Variants in NTAN1 observed in about 807,000 individuals in gnomAD.
The protein encoded by NTAN1 is protein N-terminal asparagine amidohydrolase.
NTAN1 carries 32 observed loss-of-function variants against 41.9 expected under a neutral mutation model. That is an observed-to-expected ratio of 0.76 (90% CI 0.58 to 1.03). The LOEUF is 1.03. Ranked by LOEUF, NTAN1 falls within the 50% of genes least tolerant of loss-of-function variation. The pLI, the probability that NTAN1 is intolerant of heterozygous loss-of-function variation, is 0.00. For missense variants in NTAN1, 377 were observed against 377.5 expected (o/e 1.00, Z 0.01); for synonymous variants, 140 against 139.5 (o/e 1.00, Z -0.03).
chr16:15,042,187 T>A (rs1287598974), intron 5 of NTAN1, among the ~76,000 whole-genome samples: 3 of 72,164 alleles, frequency 4.2e-5, no homozygotes, highest in African/African-American at 3.9e-5. Flanking sequence ...TTTTATATCT[T>A]TTTTTTTTTT....
At chr16:15,044,245 G>T (rs2043951681) in intron 5 of NTAN1, 89 bp downstream of exon 5, 6 of 875,214 alleles carry the variant, frequency 6.9e-6, no homozygotes, top group South Asian at 4.3e-5. Flanking sequence ...CCCTTCTTGG[G>T]TTTTGTACCA....
At chr16:15,039,813 G>C (rs551966467) in intron 8 of NTAN1, among the ~76,000 whole-genome samples, 156 bp downstream of exon 8, 1 of 152,314 alleles carries the variant, frequency 6.6e-6, no homozygotes, top group Admixed American at 6.5e-5. Flanking sequence ...GAGACAGCAA[G>C]TGTGGGGAGG....
intron 5 of NTAN1, among the ~76,000 whole-genome samples, chr16:15,042,264 C>T (rs1200902622): frequency 6.6e-6 from 1 of 150,748 alleles, no homozygotes; most frequent in African/African-American, 2.4e-5. Flanking sequence ...CTGCTCATCG[C>T]AGTCTCCACC....
chr16:15,055,942 C>T lies in NTAN1; in HGVS notation c.30G>A (p.Val10=). The change falls in exon 1 of 10, where the codon GTG becomes GTA. Residue 10 remains valine, a synonymous_variant. Transcript: ENST00000287706. MPLLVEGRR[V]RLPQSAGDLV... is the part of the protein sequence containing the mutation. Reference sequence around the variant, plus strand: ...GGTCCCCGGCTGACTGCGGCAGCCGCACTCGCCGCCCCTCGACGAGCAGCG... The same window carrying T: ...GGTCCCCGGCTGACTGCGGCAGCCGTACTCGCCGCCCCTCGACGAGCAGCG... The T allele has an allele frequency of 8.1e-7, 1 of 1,231,852 alleles. No homozygotes were observed. Among genetic ancestry groups the T allele is most frequent in the Non-Finnish European group, 1.0e-6 (1 of 986,884 alleles). 76.3% of individuals were successfully genotyped at this position (1,231,852 alleles called of 1,614,324 possible). A position where few individuals can be genotyped will look rare whatever the true frequency, so the allele number is the denominator to read the frequency against.
chr16:15,046,712 A>C (rs890191330), intron 4 of NTAN1, among the ~76,000 whole-genome samples: 1 of 150,742 alleles, frequency 6.6e-6, no homozygotes, highest in East Asian at 1.9e-4. Context: ...AAAAAAAAAA[A>C]AAAAAAAAAA....
In NTAN1 at chr16:15,038,661, T is replaced by C. The variant is rs2151681191; in HGVS notation, c.666A>G (p.Thr222=). The C allele has an allele frequency of 6.3e-7, 1 of 1,594,640 alleles. No individual in the cohort carries two copies. Among genetic ancestry groups the C allele is most frequent in the Non-Finnish European group, 8.6e-7 (1 of 1,164,666 alleles). ...AGTACGGTCCTATACGAAGTTGTTC[T>C]GTCTCTGCATCATAAATGCTAATCA... The part of the protein sequence containing the change: ...GPMISIYDAE[T]EQLRIGPYSW... The change falls in exon 9 of 10, where the codon ACA becomes ACG. Residue 222 remains threonine (T), a synonymous_variant. Coordinates refer to ENST00000287706, the MANE Select transcript of NTAN1 (RefSeq NM_173474.4).
chr16:15,055,974 CG>C lies in NTAN1; in HGVS notation c.-4del. ...CGCCCCTCGACGAGCAGCGGCATCG[CG>C]GAGGCGGCCGCCCAGGCAGGCCCAG... On this transcript the variant is annotated 5_prime_UTR_variant, in exon 1 of 10. Coordinates refer to ENST00000287706, the MANE Select transcript of NTAN1 (RefSeq NM_173474.4). The C allele has an allele frequency of 8.2e-7, 1 of 1,220,242 alleles. No homozygotes were observed. The highest frequency in any genetic ancestry group is 4.1e-5 in the South Asian group (1 of 24,526). The allele number at this position is 1,220,242 out of a possible 1,614,324, so 75.6% of individuals were successfully genotyped here.
chr16:15,040,316 T>C, intron 7 of NTAN1: 2 of 399,644 alleles, frequency 5.0e-6, no homozygotes, highest in Non-Finnish European at 8.8e-6. Context: ...GCTTTCCACA[T>C]GGGAGGCAGC....
chr16:15,047,035 T>C (rs1268991707), intron 4 of NTAN1, among the ~76,000 whole-genome samples: 1 of 152,148 alleles, frequency 6.6e-6, no homozygotes, highest in Non-Finnish European at 1.5e-5. Flanking sequence ...GGGCCGGGCT[T>C]TCTGTCTACT....
intron 4 of NTAN1, among the ~76,000 whole-genome samples, chr16:15,046,431 T>A (rs1054893220): frequency 6.6e-6 from 1 of 152,254 alleles, no homozygotes; most frequent in East Asian, 1.9e-4. Context: ...GCCTGTGTCG[T>A]CGGCCTCCAC....
intron 4 of NTAN1, chr16:15,044,655 C>A: frequency 1.8e-6 from 1 of 547,476 alleles, no homozygotes; most frequent in East Asian, 3.0e-5. Flanking sequence ...TGTGATGCCG[C>A]CTCCATGCAC....
At chr16:15,047,098 A>G (rs990255380) in intron 4 of NTAN1, 1 of 302,708 alleles carries the variant, frequency 3.3e-6, no homozygotes, top group African/African-American at 2.2e-5. Flanking sequence ...GGAAGCATTT[A>G]ACAAGCAACT....
Position 15,038,188 on chromosome 16 carries a change from G to C in NTAN1, c.776C>G (p.Ala259Gly), listed in dbSNP as rs773953355. The change falls in exon 10 of 10, where the codon GCT becomes GGT. Residue 259 changes from alanine (A) to glycine (G), a missense_variant. Physicochemically the swap from Ala to Gly is moderately conservative, Grantham distance 60. Transcript: ENST00000287706. Reference protein sequence around the residue: ...ILENLSTSPLAEPPHFVEHIR... With the variant: ...ILENLSTSPLGEPPHFVEHIR... ...ATGTTCAACAAAGTGGGGTGGCTCA[G>C]CCAGAGGCGAAGTGGAAAGATTCTG... 1 of 1,612,880 alleles carries C rather than the reference G, an allele frequency of 6.2e-7. No homozygotes were observed. The highest frequency in any genetic ancestry group is 8.5e-7 in the Non-Finnish European group (1 of 1,179,610).
At chr16:15,040,189 G>C in intron 7 of NTAN1, 123 bp from the exon 8 acceptor site, 1 of 509,762 alleles carries the variant, frequency 2.0e-6, no homozygotes, top group Non-Finnish European at 3.5e-6. Flanking sequence ...TGGCTCCTAA[G>C]TATCTGGACT....
At chr16:15,045,729 A>G (rs925847827) in intron 4 of NTAN1, 2 of 152,172 alleles carry the variant, frequency 1.3e-5, no homozygotes, top group African/African-American at 4.8e-5. Context: ...AAATCCAACT[A>G]ACTTTCTTGA....
At chr16:15,038,296 G>C in intron 9 of NTAN1, 86 bp from the exon 10 acceptor site, 1 of 952,132 alleles carries the variant, frequency 1.1e-6, no homozygotes, top group Non-Finnish European at 1.6e-6. Context: ...TTTGTTCTTG[G>C]ACACAAATAT....
intron 1 of NTAN1, among the ~76,000 whole-genome samples, chr16:15,049,537 T>G (rs935488463): frequency 6.6e-6 from 1 of 152,146 alleles, no homozygotes; most frequent in African/African-American, 2.4e-5. Context: ...CAAGCGATTC[T>G]CGTGCCTCAG....
intron 4 of NTAN1, chr16:15,044,676 C>A: frequency 3.9e-6 from 2 of 518,478 alleles, no homozygotes; most frequent in South Asian, 4.9e-5. Context: ...CAGTGGGGAA[C>A]TTTGCTCTGG....
intron 4 of NTAN1, among the ~76,000 whole-genome samples, chr16:15,046,229 T>C (rs1032445243): frequency 6.6e-6 from 1 of 152,256 alleles, no homozygotes; most frequent in African/African-American, 2.4e-5. Context: ...TCGACCAGTA[T>C]TGACTAGCAA....
Sources: gnomAD v4.1 joint callset for allele counts (sites outside exome capture counted in the v4.1 genomes callset) on GRCh38, gnomAD v4.1.1 for gene constraint, MANE v1.5 for transcripts, NCBI Gene and HGNC (gene_info 2026-07-23, HGNC 2026-07-21) for gene names.